PPP1R14C: variants seen among roughly 807,000 people sequenced by gnomAD.
The protein encoded by PPP1R14C is protein phosphatase 1 regulatory inhibitor subunit 14C.
PPP1R14C carries 16 observed loss-of-function variants against 20.4 expected under a neutral mutation model. That is an observed-to-expected ratio of 0.78 (90% CI 0.53 to 1.19). PPP1R14C has a LOEUF of 1.19. Ranked by LOEUF, PPP1R14C falls within the 50% of genes most tolerant of loss-of-function variation. The probability of loss-of-function intolerance (pLI) is 0.00; values close to 1 mark genes in which losing one functional copy is unlikely to be tolerated. For synonymous variants in PPP1R14C, 91 were observed against 91.0 expected (o/e 1.00, Z 0.00); for missense variants, 211 against 220.1 (o/e 0.96, Z 0.26).
intron 1 of PPP1R14C, among the ~76,000 whole-genome samples, chr6:150,149,443 A>ATTTTTTTTTTTTTTT (rs1216146263): frequency 4.2e-5 from 5 of 119,938 alleles, no homozygotes; most frequent in African/African-American, 9.9e-5. Context: ...CTCCCACCTA[A>ATTTTTTTTTTTTTTT]TTTTTTTTTT....
At chr6:150,207,336 A>C (rs1777965948) in intron 1 of PPP1R14C, among the ~76,000 whole-genome samples, 1 of 152,250 alleles carries the variant, frequency 6.6e-6, no homozygotes, top group African/African-American at 2.4e-5. Flanking sequence ...TCTAAGGCCC[A>C]AGGTGAGGCC....
At chr6:150,188,294 G>A (rs1443555347) in intron 1 of PPP1R14C, among the ~76,000 whole-genome samples, 2 of 151,974 alleles carry the variant, frequency 1.3e-5, no homozygotes, top group African/African-American at 4.8e-5. Flanking sequence ...ATCTTCTTTT[G>A]GTAATAGCTT....
intron 1 of PPP1R14C, among the ~76,000 whole-genome samples, chr6:150,158,858 A>T (rs1777333788): frequency 6.6e-6 from 1 of 152,168 alleles, no homozygotes; most frequent in Non-Finnish European, 1.5e-5. Flanking sequence ...TTAAATTTTT[A>T]AAAAATTATA....
chr6:150,211,801 C>T (rs888984658), intron 1 of PPP1R14C, among the ~76,000 whole-genome samples: 27 of 152,264 alleles, frequency 1.8e-4, no homozygotes, highest in African/African-American at 2.4e-4. Flanking sequence ...ACACCCGGGA[C>T]GCATGCTGAG....
At chr6:150,215,261 G>T (rs1778075384) in intron 2 of PPP1R14C, among the ~76,000 whole-genome samples, 1 of 152,200 alleles carries the variant, frequency 6.6e-6, no homozygotes, top group Admixed American at 6.5e-5. Flanking sequence ...TATTGCTTAT[G>T]ACATAATTCT....
chr6:150,179,938 C>T (rs1219958514), intron 1 of PPP1R14C, among the ~76,000 whole-genome samples: 4 of 152,090 alleles, frequency 2.6e-5, no homozygotes, highest in African/African-American at 7.2e-5. Context: ...ACGGTGGCTC[C>T]GGCCTATAAT....
intron 1 of PPP1R14C, among the ~76,000 whole-genome samples, chr6:150,146,387 A>G (rs992447866): frequency 3.9e-5 from 6 of 152,252 alleles, no homozygotes; most frequent in Non-Finnish European, 7.3e-5. Flanking sequence ...TTTAAAACTT[A>G]TGAGTTAAAC....
chr6:150,161,981 T>C (rs1374083050), intron 1 of PPP1R14C, among the ~76,000 whole-genome samples: 2 of 152,212 alleles, frequency 1.3e-5, no homozygotes, highest in Middle Eastern at 3.2e-3. Flanking sequence ...TGCAGTATCA[T>C]ACAGAACAGT....
chr6:150,216,904 T>G (rs1778101203), intron 3 of PPP1R14C, 48 bp downstream of exon 3: 2 of 1,475,872 alleles, frequency 1.4e-6, no homozygotes, highest in East Asian at 4.6e-5. Context: ...TGGTTTTTAT[T>G]AAATCAATTT....
At chr6:150,225,236 G>A (rs553669639) in intron 3 of PPP1R14C, among the ~76,000 whole-genome samples, 2 of 152,162 alleles carry the variant, frequency 1.3e-5, no homozygotes, top group African/African-American at 4.8e-5. Context: ...CGTCCTGCTG[G>A]AAGTTCAGGG....
At chr6:150,243,239 A>C (rs1289826522) in intron 3 of PPP1R14C, among the ~76,000 whole-genome samples, 1 of 149,542 alleles carries the variant, frequency 6.7e-6, no homozygotes, top group Non-Finnish European at 1.5e-5. Context: ...GCAATGGCAC[A>C]ATCTTGGCTC....
intron 3 of PPP1R14C, among the ~76,000 whole-genome samples, chr6:150,240,900 C>G (rs1319185346): frequency 1.3e-5 from 2 of 152,210 alleles, no homozygotes; most frequent in Non-Finnish European, 2.9e-5. Context: ...ACTCCTAAAA[C>G]TCTTACAATT....
intron 1 of PPP1R14C, among the ~76,000 whole-genome samples, chr6:150,151,520 A>T (rs1013002103): frequency 6.6e-6 from 1 of 152,324 alleles, no homozygotes; most frequent in Admixed American, 6.5e-5. Flanking sequence ...ACTGTAGTCC[A>T]GTTTCTTTCA....
At chr6:150,238,082 C>G (rs1388369391) in intron 3 of PPP1R14C, among the ~76,000 whole-genome samples, 1 of 152,212 alleles carries the variant, frequency 6.6e-6, no homozygotes, top group Non-Finnish European at 1.5e-5. Context: ...CTGAGCACAA[C>G]AGCCCACAGA....
At chr6:150,155,852 C>A (rs1394797465) in intron 1 of PPP1R14C, among the ~76,000 whole-genome samples, 6 of 151,314 alleles carry the variant, frequency 4.0e-5, no homozygotes, top group Admixed American at 3.3e-4. Flanking sequence ...TGGTAAGACC[C>A]CGTCTCTATT....
chr6:150,242,349 C>A (rs1778442269), intron 3 of PPP1R14C, among the ~76,000 whole-genome samples: 1 of 37,832 alleles, frequency 2.6e-5, no homozygotes, highest in Admixed American at 2.1e-4. Flanking sequence ...GTATTGAATT[C>A]AACAATATGT....
At chr6:150,173,517 A>G (rs1037588970) in intron 1 of PPP1R14C, among the ~76,000 whole-genome samples, 1 of 152,102 alleles carries the variant, frequency 6.6e-6, no homozygotes, top group African/African-American at 2.4e-5. Flanking sequence ...TCCCTGAATG[A>G]AGTCTGAGCT....
At chr6:150,144,565 A>G (rs1777161295) in intron 1 of PPP1R14C, among the ~76,000 whole-genome samples, 1 of 152,240 alleles carries the variant, frequency 6.6e-6, no homozygotes, top group Non-Finnish European at 1.5e-5. Flanking sequence ...TGTTCATTCA[A>G]CTGTTGTGCT....
intron 3 of PPP1R14C, among the ~76,000 whole-genome samples, chr6:150,240,690 A>G (rs4870389): frequency 0.53 from 80,993 of 152,054 alleles, 23,076 homozygotes; most frequent in African/African-American, 0.75. Flanking sequence ...GCAGAAAGTG[A>G]GGAGGGTTGG....
Sources: gnomAD v4.1 joint callset for allele counts (sites outside exome capture counted in the v4.1 genomes callset) on GRCh38, gnomAD v4.1.1 for gene constraint, MANE v1.5 for transcripts, NCBI Gene and HGNC (gene_info 2026-07-23, HGNC 2026-07-21) for gene names.